The following SGCD variants were observed in gnomAD, a reference collection of about 807,000 sequenced individuals.
SGCD encodes delta-sarcoglycan.
In SGCD, 18 loss-of-function variants were observed where a neutral mutation model predicts 36.6. That is an observed-to-expected ratio of 0.49 (90% CI 0.34 to 0.73). SGCD has a LOEUF of 0.73. Ranked by LOEUF, SGCD falls within the 30% of genes least tolerant of loss-of-function variation. SGCD has a pLI of 0.01. For synonymous variants in SGCD, 133 were observed against 130.6 expected, an observed-to-expected ratio of 1.02 and a Z score of -0.12; for missense variants, 387 against 346.7, an observed-to-expected ratio of 1.12 and a Z score of -0.92.
At chr5:156,310,588 C>CA (rs1767366984) in intron 3 of SGCD, among the ~76,000 whole-genome samples, 1 of 152,112 alleles carries the variant, frequency 6.6e-6, no homozygotes, top group Non-Finnish European at 1.5e-5. Context: ...TAGTAGACTC[C>CA]AAAATAATTA....
chr5:156,300,634 A>G (rs899358691), intron 3 of SGCD, among the ~76,000 whole-genome samples: 2 of 152,036 alleles, frequency 1.3e-5, no homozygotes, highest in African/African-American at 2.4e-5. Flanking sequence ...GCCATTTGAT[A>G]TACAGTTCAG....
At chr5:156,563,038 C>T (rs528512800) in intron 4 of SGCD, among the ~76,000 whole-genome samples, 3 of 151,914 alleles carry the variant, frequency 2.0e-5, no homozygotes, top group Admixed American at 6.6e-5. Flanking sequence ...AGTGCAAAAT[C>T]GCATGATCTC....
intron 1 of SGCD, among the ~76,000 whole-genome samples, chr5:155,995,021 A>G (rs1212452121): frequency 6.6e-6 from 1 of 152,060 alleles, no homozygotes; most frequent in African/African-American, 2.4e-5. Flanking sequence ...TTATCCTCTA[A>G]ACCACAGCTT....
chr5:156,511,010 G>A (rs1238104083), intron 4 of SGCD, among the ~76,000 whole-genome samples: 1 of 152,130 alleles, frequency 6.6e-6, no homozygotes, highest in African/African-American at 2.4e-5. Flanking sequence ...AGATATACCT[G>A]CTTGTAAGCT....
chr5:156,076,288 C>T (rs897529542), intron 1 of SGCD, among the ~76,000 whole-genome samples: 9 of 151,736 alleles, frequency 5.9e-5, no homozygotes, highest in Admixed American at 1.3e-4. Context: ...TTCCTGTTTT[C>T]CTTTTTCACT....
the SGCD span, among the ~76,000 whole-genome samples, chr5:155,793,649 C>A: frequency 1.3e-5 from 2 of 151,314 alleles, no homozygotes; most frequent in Non-Finnish European, 2.9e-5. Flanking sequence ...TCAAGCAATT[C>A]TCCTACCTCA....
At chr5:156,394,299 T>C (rs1037646809) in intron 3 of SGCD, among the ~76,000 whole-genome samples, 1 of 152,226 alleles carries the variant, frequency 6.6e-6, no homozygotes, top group African/African-American at 2.4e-5. Context: ...AAACTATTTT[T>C]TACACATTGA....
intron 3 of SGCD, among the ~76,000 whole-genome samples, chr5:156,431,629 C>T (rs566456200): frequency 1.3e-4 from 20 of 152,298 alleles, no homozygotes; most frequent in African/African-American, 4.6e-4. Flanking sequence ...TTTTGTCCCA[C>T]GGGGTAATCC....
intron 1 of SGCD, among the ~76,000 whole-genome samples, chr5:156,115,984 A>G (rs1761896409): frequency 6.6e-6 from 1 of 152,140 alleles, no homozygotes; most frequent in Non-Finnish European, 1.5e-5. Flanking sequence ...CTTACTCTTG[A>G]AATGTTAGCA....
At chr5:156,305,485 G>A (rs1290455329) in intron 3 of SGCD, among the ~76,000 whole-genome samples, 1 of 152,184 alleles carries the variant, frequency 6.6e-6, no homozygotes, top group African/African-American at 2.4e-5. Flanking sequence ...GAGGATGTAT[G>A]GAAATGCCTG....
At chr5:156,505,294 G>A (rs1390942867) in intron 3 of SGCD, among the ~76,000 whole-genome samples, 1 of 152,178 alleles carries the variant, frequency 6.6e-6, no homozygotes, top group Non-Finnish European at 1.5e-5. Context: ...CTGTCTCCAT[G>A]AGTGCCAGAA....
At position 156,189,236 on chromosome 5, in the gene SGCD, G is replaced by C. The variant is rs980771891; in HGVS notation, c.-44+65217G>C. Among the ~76,000 whole-genome samples, 38 of 152,176 alleles carry C rather than the reference G, an allele frequency of 2.5e-4. 1 individual carries two copies. The highest frequency in any genetic ancestry group is 2.9e-4 in the Non-Finnish European group (20 of 68,034). On this transcript the variant is annotated intron_variant, in intron 3 of 9. Coordinates refer to the SGCD transcript ENST00000517913. The stretch of plus-strand genomic sequence containing the variant: ...ATGAAGAGTACGTGCTAGTGACACA[G>C]ATGTTCTGTTTTTTTGGAGGCTGAA...
intron 3 of SGCD, among the ~76,000 whole-genome samples, chr5:156,294,809 T>C (rs1389741474): frequency 1.3e-5 from 2 of 152,332 alleles, no homozygotes; most frequent in South Asian, 2.1e-4. Context: ...CGCTAGATTA[T>C]TCTTGTATTC....
the SGCD span, among the ~76,000 whole-genome samples, chr5:155,857,837 C>A: frequency 2.6e-5 from 4 of 152,080 alleles, no homozygotes; most frequent in South Asian, 4.2e-4. Flanking sequence ...TTTAATAATC[C>A]AAATGGACAG....
chr5:156,140,290 G>A (rs752143972), intron 3 of SGCD, among the ~76,000 whole-genome samples: 9 of 152,172 alleles, frequency 5.9e-5, no homozygotes, highest in African/African-American at 1.2e-4. Flanking sequence ...GAAAAAGCCC[G>A]TATTGCTGTG....
chr5:156,166,659 C>G (rs1025960227), intron 3 of SGCD, among the ~76,000 whole-genome samples: 1 of 152,142 alleles, frequency 6.6e-6, no homozygotes, highest in African/African-American at 2.4e-5. Context: ...TCATATTAGT[C>G]GTTCTGACTG....
chr5:156,324,480 G>C (rs1327841956), upstream of SGCD, among the ~76,000 whole-genome samples: 4 of 151,914 alleles, frequency 2.6e-5, no homozygotes, highest in Non-Finnish European at 2.9e-5. Flanking sequence ...TATTTTTCAA[G>C]TTTTGCATAA....
chr5:156,117,262 C>T (rs1761927142), intron 1 of SGCD, among the ~76,000 whole-genome samples: 1 of 151,874 alleles, frequency 6.6e-6, no homozygotes, highest in African/African-American at 2.4e-5. Flanking sequence ...TTTTCATCCT[C>T]CTAAAACCCT....
intron 2 of SGCD, among the ~76,000 whole-genome samples, chr5:156,122,571 G>T (rs1762067393): frequency 2.0e-5 from 3 of 152,022 alleles, no homozygotes; most frequent in Admixed American, 6.6e-5. Context: ...TGTTAGAGGA[G>T]CAGCATGGCT....
Sources: gnomAD v4.1 joint callset for allele counts (sites outside exome capture counted in the v4.1 genomes callset) on GRCh38, gnomAD v4.1.1 for gene constraint, MANE v1.5 for transcripts, NCBI Gene and HGNC (gene_info 2026-07-23, HGNC 2026-07-21) for gene names.